Variants in PRXL2A observed in about 807,000 individuals in gnomAD.
PRXL2A encodes peroxiredoxin like 2A.
PRXL2A carries 26 observed loss-of-function variants against 25.6 expected under a neutral mutation model. The observed-to-expected ratio is 1.02, with a 90% CI of 0.74 to 1.41. PRXL2A has a LOEUF of 1.41. Among genes scored for constraint, PRXL2A ranks in the 40% most tolerant of loss-of-function variants. The pLI, the probability that PRXL2A is intolerant of heterozygous loss-of-function variation, is 0.00. For missense variants in PRXL2A, 246 were observed against 273.9 expected, an observed-to-expected ratio of 0.90 and a Z score of 0.72; for synonymous variants, 98 against 102.9, an observed-to-expected ratio of 0.95 and a Z score of 0.29.
Position 80,436,801 on chromosome 10 carries a change from T to A in PRXL2A, c.*4702T>A, listed in dbSNP as rs14073. 0.36 allele frequency: 54,418 copies of A among 152,020 alleles called. 11,183 individuals are homozygous for A. The highest frequency in any genetic ancestry group is 0.82 in the East Asian group (4,217 of 5,150). The allele number at this position is 152,020 out of a possible 1,614,324, so 9.4% of individuals were successfully genotyped here. On this transcript the variant is annotated 3_prime_UTR_variant, in exon 6 of 6. Coordinates refer to ENST00000606162, the MANE Select transcript of PRXL2A (RefSeq NM_032333.5). ...TTCCCCTTTCTGTGTAAAAACTGGTTGGAAAGAAATGATCTGACCTACCGT... is the reference window on the plus strand; with the variant it reads ...TTCCCCTTTCTGTGTAAAAACTGGTAGGAAAGAAATGATCTGACCTACCGT...
At chr10:80,417,093 G>A (rs1439354037) in intron 1 of PRXL2A, among the ~76,000 whole-genome samples, 4 of 152,146 alleles carry the variant, frequency 2.6e-5, no homozygotes, top group Non-Finnish European at 5.9e-5. Context: ...GGAAGGGGAG[G>A]GGGACTCAGA....
intron 3 of PRXL2A, among the ~76,000 whole-genome samples, chr10:80,425,271 A>C (rs1448077394): frequency 6.6e-6 from 1 of 152,080 alleles, no homozygotes; most frequent in Non-Finnish European, 1.5e-5. Flanking sequence ...CATTCTCCCC[A>C]TTGTCCCCCT....
At chr10:80,413,859 G>A (rs767860029) in intron 1 of PRXL2A, 11 of 1,229,918 alleles carry the variant, frequency 8.9e-6, no homozygotes, top group South Asian at 2.8e-5. Flanking sequence ...AGAAGCAGAG[G>A]TGTGGACGCT....
At chr10:80,416,847 C>T (rs984902218) in intron 1 of PRXL2A, among the ~76,000 whole-genome samples, 7 of 151,970 alleles carry the variant, frequency 4.6e-5, no homozygotes, top group African/African-American at 1.5e-4. Context: ...TGAGATTCTT[C>T]GTTTCTAGAT....
At chr10:80,413,891 C>T (rs1844558844) in intron 1 of PRXL2A, 1 of 1,238,082 alleles carries the variant, frequency 8.1e-7, no homozygotes, top group African/African-American at 1.6e-5. Context: ...GTGCCTTGTT[C>T]CCAAGTTTGA....
At chr10:80,422,622 C>G in intron 3 of PRXL2A, 114 bp downstream of exon 3, 1 of 687,190 alleles carries the variant, frequency 1.5e-6, no homozygotes, top group African/African-American at 1.8e-5. Flanking sequence ...CCCACATGTT[C>G]TGTTCTGTTA....
upstream of PRXL2A, chr10:80,407,954 G>A (rs1055800871): frequency 1.6e-4 from 25 of 152,164 alleles, no homozygotes; most frequent in African/African-American, 6.0e-4. Context: ...TCCAACAGGA[G>A]GAGTAAGTGG....
upstream of PRXL2A, among the ~76,000 whole-genome samples, chr10:80,408,167 G>C (rs1280000936): frequency 8.4e-6 from 1 of 118,554 alleles, no homozygotes; most frequent in Non-Finnish European, 1.7e-5. Context: ...GCCCATGGAG[G>C]TTAAAAAAAA....
At chr10:80,431,797 T>C (rs755754011) in intron 5 of PRXL2A, among the ~76,000 whole-genome samples, 189 bp from the exon 6 acceptor site, 1 of 152,162 alleles carries the variant, frequency 6.6e-6, no homozygotes, top group Non-Finnish European at 1.5e-5. Flanking sequence ...ACAGGCCAGA[T>C]GGATGTGGCC....
chr10:80,408,973 G>A, intron 1 of PRXL2A: 1 of 952,558 alleles, frequency 1.0e-6, no homozygotes, highest in Non-Finnish European at 1.2e-6. Context: ...TGACGCCGGT[G>A]GCGCCAACCT....
intron 1 of PRXL2A, among the ~76,000 whole-genome samples, chr10:80,417,206 C>T (rs950069487): frequency 9.2e-5 from 14 of 152,172 alleles, no homozygotes; most frequent in Non-Finnish European, 1.6e-4. Context: ...AAAAGAGCAA[C>T]GGTACCAGGT....
At chr10:80,416,644 G>A (rs1431175882) in intron 1 of PRXL2A, among the ~76,000 whole-genome samples, 1 of 152,176 alleles carries the variant, frequency 6.6e-6, no homozygotes, top group Non-Finnish European at 1.5e-5. Context: ...CAGGGTCTTG[G>A]CGGGGGGCCC....
intron 3 of PRXL2A, among the ~76,000 whole-genome samples, chr10:80,424,195 G>A (rs916366705): frequency 2.0e-5 from 3 of 152,010 alleles, no homozygotes; most frequent in Non-Finnish European, 4.4e-5. Context: ...GGCCCAACTA[G>A]GAGGTATGTG....
At chr10:80,420,037 A>G in intron 1 of PRXL2A, 1 of 986,056 alleles carries the variant, frequency 1.0e-6, no homozygotes, top group East Asian at 1.1e-4. Context: ...GCCCCTACCC[A>G]GGGACATGAT....
At position 80,432,165 on chromosome 10, in the gene PRXL2A, T is replaced by C; in HGVS notation, c.*66T>C. 1.1e-6 allele frequency: 1 copy of C among 929,016 alleles called. No individual in the cohort carries two copies. The allele number at this position is 929,016 out of a possible 1,614,324, so 57.5% of individuals were successfully genotyped here. On this transcript the variant is annotated 3_prime_UTR_variant, in exon 6 of 6. Coordinates refer to ENST00000606162, the MANE Select transcript of PRXL2A (RefSeq NM_032333.5). ...CACCTGTGTTCATGGGATGTATTGT[T>C]TCCACTCGTGTCCCTAAGGAGTGAG...
At chr10:80,429,921 T>A (rs1564695847) in intron 5 of PRXL2A, among the ~76,000 whole-genome samples, 1 of 152,072 alleles carries the variant, frequency 6.6e-6, no homozygotes, top group Non-Finnish European at 1.5e-5. Context: ...CCTACTGGCA[T>A]GTTTCTGATG....
At chr10:80,426,060 G>C (rs1473881347) in intron 4 of PRXL2A, 54 bp downstream of exon 4, 17 of 1,607,012 alleles carry the variant, frequency 1.1e-5, no homozygotes, top group Admixed American at 1.7e-5. Flanking sequence ...GTGCTCAGCT[G>C]TGTGATAGTC....
intron 1 of PRXL2A, among the ~76,000 whole-genome samples, 162 bp downstream of exon 1, chr10:80,408,805 G>A (rs1217546105): frequency 2.0e-5 from 3 of 152,170 alleles, no homozygotes; most frequent in Non-Finnish European, 2.9e-5. Context: ...AGGAGCCGCC[G>A]CAGCGCTGGC....
chr10:80,432,211 C>G lies in PRXL2A; in HGVS notation c.*112C>G, dbSNP rs1845287053. The G allele has an allele frequency of 3.1e-6, 2 of 640,328 alleles. No homozygotes were observed. Among genetic ancestry groups the G allele is most frequent in the Non-Finnish European group, 2.7e-6 (1 of 367,278 alleles). 39.7% of individuals were successfully genotyped at this position (640,328 alleles called of 1,614,324 possible). ...GTGAGAAACCCATTTATACTCTACTCTCAGTATGGATTATTAATGTATTTT... is the reference window on the plus strand; with the variant it reads ...GTGAGAAACCCATTTATACTCTACTGTCAGTATGGATTATTAATGTATTTT... On this transcript the variant is annotated 3_prime_UTR_variant, in exon 6 of 6. Coordinates refer to ENST00000606162, the MANE Select transcript of PRXL2A (RefSeq NM_032333.5).
Sources: allele counts gnomAD v4.1 joint callset (sites outside exome capture counted in the v4.1 genomes callset), GRCh38; gene constraint gnomAD v4.1.1; transcripts MANE v1.5; gene names NCBI Gene and HGNC (gene_info 2026-07-23, HGNC 2026-07-21).